DLGAP2: variants seen among roughly 807,000 people sequenced by gnomAD.
The protein encoded by DLGAP2 is DLG associated protein 2.
In DLGAP2, 26 loss-of-function variants were observed where a neutral mutation model predicts 100.3. The ratio of observed to expected loss-of-function variants is 0.26; its 90% CI spans 0.19 to 0.36. DLGAP2 has a LOEUF of 0.36. Among genes scored for constraint, DLGAP2 ranks in the 10% least tolerant of loss-of-function variants. DLGAP2 has a pLI of 1.00. For missense variants in DLGAP2, 1,858 were observed against 1,453.2 expected (o/e 1.28, Z -4.53); for synonymous variants, 886 against 630.1 (o/e 1.41, Z -6.08).
At chr8:1,175,375 G>T (rs1797231517) in intron 2 of DLGAP2, among the ~76,000 whole-genome samples, 1 of 152,316 alleles carries the variant, frequency 6.6e-6, no homozygotes, top group Non-Finnish European at 1.5e-5. Context: ...GAGTCCAGAA[G>T]AATATCATTA....
At chr8:1,554,770 GC>G (rs1223885272) in intron 5 of DLGAP2, among the ~76,000 whole-genome samples, 11 of 133,374 alleles carry the variant, frequency 8.2e-5, no homozygotes, top group Non-Finnish European at 1.5e-4. Flanking sequence ...ACGCGCCCCA[GC>G]CCCCCCTCCC....
chr8:990,462 A>C (rs58069251), intron 2 of DLGAP2, among the ~76,000 whole-genome samples: 166 of 4,672 alleles, frequency 0.036, no homozygotes, highest in South Asian at 0.044. Context: ...CTTCTCTCCC[A>C]CCTTGCCCGG....
intron 2 of DLGAP2, among the ~76,000 whole-genome samples, chr8:1,053,828 T>C (rs576665486): frequency 1.3e-5 from 2 of 152,224 alleles, no homozygotes; most frequent in Admixed American, 6.5e-5. Flanking sequence ...GTCACTGGTT[T>C]TCCTTCCTAG....
chr8:1,382,943 A>G (rs1178446114), intron 3 of DLGAP2, among the ~76,000 whole-genome samples: 1 of 152,174 alleles, frequency 6.6e-6, no homozygotes, highest in Non-Finnish European at 1.5e-5. Flanking sequence ...GTGTGTAGAG[A>G]GAGACCCTAA....
chr8:1,146,004 T>C (rs1025417035), intron 2 of DLGAP2, among the ~76,000 whole-genome samples: 7 of 152,136 alleles, frequency 4.6e-5, no homozygotes, highest in Non-Finnish European at 1.0e-4. Flanking sequence ...TTCTTATGTA[T>C]TCTGTTGTGT....
intron 2 of DLGAP2, among the ~76,000 whole-genome samples, chr8:975,898 AC>A (rs1755614865): frequency 6.6e-6 from 1 of 150,766 alleles, no homozygotes; most frequent in African/African-American, 2.4e-5. Flanking sequence ...ACAGACCAAG[AC>A]GGGAGAAATA....
rs938647848 is a variant in DLGAP2 at position 1,612,433 on chromosome 8, A to T, written c.1443-14307A>T. On this transcript the variant is annotated intron_variant, in intron 6 of 14. Transcript: ENST00000637795. Reference sequence around the variant, plus strand: ...TTAAACGTTAGACCTAAAACCATAAAAACCCTAGAAGAAAACCTAGGCATT... The same window carrying T: ...TTAAACGTTAGACCTAAAACCATAATAACCCTAGAAGAAAACCTAGGCATT... Among the ~76,000 whole-genome samples, 185 of 138,478 alleles carry T rather than the reference A, an allele frequency of 1.3e-3. 2 individuals carry two copies. The highest frequency in any genetic ancestry group is 1.6e-3 in the Non-Finnish European group (104 of 64,022). The allele number at this position is 138,478 out of a possible 152,430, so 90.8% of individuals were successfully genotyped here. A position where few individuals can be genotyped will look rare whatever the true frequency, so the allele number is the denominator to read the frequency against.
intron 1 of DLGAP2, among the ~76,000 whole-genome samples, chr8:780,285 C>G (rs1821649639): frequency 6.6e-6 from 1 of 152,218 alleles, no homozygotes; most frequent in South Asian, 2.1e-4. Context: ...AGCATAATGT[C>G]TTCCAGGCTC....
chr8:1,334,351 A>G (rs1169289261), intron 3 of DLGAP2, among the ~76,000 whole-genome samples: 1 of 152,106 alleles, frequency 6.6e-6, no homozygotes, highest in African/African-American at 2.4e-5. Context: ...GCCCTCATCC[A>G]CCTGTCACCA....
intron 3 of DLGAP2, among the ~76,000 whole-genome samples, chr8:1,437,427 T>A (rs1370959781): frequency 6.6e-6 from 1 of 152,226 alleles, no homozygotes; most frequent in Admixed American, 6.5e-5. Flanking sequence ...TGATGGAACG[T>A]AGAACCCCAC....
chr8:1,695,177 TC>T (rs1042108450), intron 13 of DLGAP2, among the ~76,000 whole-genome samples: 17 of 151,150 alleles, frequency 1.1e-4, no homozygotes, highest in Non-Finnish European at 2.1e-4. Context: ...CCACTCCGCT[TC>T]CCCCACACCA....
chr8:1,116,598 C>G (rs192056434), intron 2 of DLGAP2, among the ~76,000 whole-genome samples: 2 of 152,222 alleles, frequency 1.3e-5, no homozygotes, highest in African/African-American at 4.8e-5. Flanking sequence ...GCATTTGAGA[C>G]CAGCCTGGGC....
At chr8:1,003,561 TG>T (rs1801021897) in intron 2 of DLGAP2, among the ~76,000 whole-genome samples, 1 of 152,238 alleles carries the variant, frequency 6.6e-6, no homozygotes, top group African/African-American at 2.4e-5. Context: ...CAGTGAGCAT[TG>T]GTTGAAGCCA....
chr8:777,224 T>G (rs1460535231), intron 1 of DLGAP2, among the ~76,000 whole-genome samples: 3 of 151,436 alleles, frequency 2.0e-5, no homozygotes, highest in African/African-American at 7.3e-5. Flanking sequence ...TCCATCCTTT[T>G]ATTTTGAGCC....
intron 1 of DLGAP2, among the ~76,000 whole-genome samples, chr8:774,362 A>C (rs952805594): frequency 4.6e-5 from 7 of 152,002 alleles, no homozygotes; most frequent in South Asian, 2.1e-4. Context: ...ATTAGATCCC[A>C]TTTGTCAATT....
intron 3 of DLGAP2, among the ~76,000 whole-genome samples, chr8:1,440,553 C>A (rs1385805565): frequency 6.6e-6 from 1 of 152,228 alleles, no homozygotes; most frequent in Non-Finnish European, 1.5e-5. Flanking sequence ...TTACACAATG[C>A]ACATTTGCTA....
intron 2 of DLGAP2, among the ~76,000 whole-genome samples, chr8:1,098,155 G>C (rs75127419): frequency 0.023 from 3,579 of 152,352 alleles, 138 homozygotes; most frequent in African/African-American, 0.081. Context: ...CAAGAGCACA[G>C]CCGGGCATCC....
chr8:1,447,537 G>C (rs6558474), intron 3 of DLGAP2, among the ~76,000 whole-genome samples: 78,397 of 152,058 alleles, frequency 0.52, 20,819 homozygotes, highest in East Asian at 0.87. Flanking sequence ...GGATATTGGT[G>C]TAAAATTCTC....
intron 2 of DLGAP2, among the ~76,000 whole-genome samples, chr8:1,226,925 G>A (rs2116824408): frequency 6.6e-6 from 1 of 151,788 alleles, no homozygotes; most frequent in Non-Finnish European, 1.5e-5. Context: ...GTAGATTTGT[G>A]CAACAATTAT....
Sources: allele counts gnomAD v4.1 joint callset (sites outside exome capture counted in the v4.1 genomes callset), GRCh38; gene constraint gnomAD v4.1.1; transcripts MANE v1.5; gene names NCBI Gene and HGNC (gene_info 2026-07-23, HGNC 2026-07-21).